The following DCC variants were observed in gnomAD, a reference collection of about 807,000 sequenced individuals.
DCC encodes the protein DCC netrin 1 receptor.
A neutral mutation model predicts 172.5 loss-of-function variants in DCC; 58 were observed. The observed-to-expected ratio is 0.34, with a 90% CI of 0.27 to 0.42. The LOEUF (loss-of-function observed/expected upper bound fraction) is 0.42. DCC is among the 10% of genes least tolerant of loss of function. DCC has a pLI of 1.00. For missense variants in DCC, 1,740 were observed against 1,791.0 expected, an observed-to-expected ratio of 0.97 and a Z score of 0.51; for synonymous variants, 709 against 644.5, an observed-to-expected ratio of 1.10 and a Z score of -1.52.
chr18:53,457,842 T>C (rs2045502337), intron 23 of DCC, among the ~76,000 whole-genome samples: 1 of 152,116 alleles, frequency 6.6e-6, no homozygotes, highest in African/African-American at 2.4e-5. Context: ...AAATACAAAA[T>C]AGATACTAGG....
chr18:53,037,473 T>G (rs1474071958), intron 5 of DCC, among the ~76,000 whole-genome samples: 1 of 151,904 alleles, frequency 6.6e-6, no homozygotes, highest in Non-Finnish European at 1.5e-5. Flanking sequence ...TCATGGTCAT[T>G]TGTACAGCCT....
intron 21 of DCC, among the ~76,000 whole-genome samples, chr18:53,425,760 A>G (rs1444042621): frequency 6.6e-6 from 1 of 152,120 alleles, no homozygotes; most frequent in Non-Finnish European, 1.5e-5. Flanking sequence ...CCCTGTGTTT[A>G]TTCATCTTTC....
intron 5 of DCC, among the ~76,000 whole-genome samples, chr18:53,014,113 A>G (rs927616930): frequency 2.0e-5 from 3 of 152,102 alleles, no homozygotes; most frequent in Admixed American, 1.3e-4. Flanking sequence ...TTTGTGCTAG[A>G]TATTCTGATC....
At chr18:53,503,504 A>G (rs528278845) in intron 27 of DCC, among the ~76,000 whole-genome samples, 3 of 152,114 alleles carry the variant, frequency 2.0e-5, no homozygotes, top group Non-Finnish European at 4.4e-5. Flanking sequence ...TCACAAATGT[A>G]GACATGTAAG....
At chr18:53,348,223 C>A (rs2057747026) in intron 15 of DCC, among the ~76,000 whole-genome samples, 1 of 152,154 alleles carries the variant, frequency 6.6e-6, no homozygotes, top group Non-Finnish European at 1.5e-5. Context: ...GTAAATACAG[C>A]CATTCCAAAT....
intron 15 of DCC, among the ~76,000 whole-genome samples, chr18:53,384,365 G>A (rs1227105434): frequency 6.6e-6 from 1 of 151,840 alleles, no homozygotes; most frequent in East Asian, 1.9e-4. Context: ...TTGTCTGGAT[G>A]CCTAAAACAT....
intron 22 of DCC, 70 bp from the exon 23 acceptor site, chr18:53,450,430 C>T: frequency 6.4e-7 from 1 of 1,564,958 alleles, no homozygotes; most frequent in Non-Finnish European, 8.8e-7. Context: ...TTTGTATATC[C>T]CAAGAGAGCT....
intron 1 of DCC, among the ~76,000 whole-genome samples, chr18:52,733,061 GT>G (rs1311860164): frequency 5.3e-5 from 8 of 152,244 alleles, no homozygotes; most frequent in Non-Finnish European, 1.2e-4. Context: ...GGTTGCTGAT[GT>G]CAGCATTGGC....
chr18:52,656,129 A>G (rs1344902655), intron 1 of DCC, among the ~76,000 whole-genome samples: 6 of 149,434 alleles, frequency 4.0e-5, no homozygotes, highest in African/African-American at 1.5e-4. Flanking sequence ...ATATATGTAT[A>G]TATATAGTGT....
intron 20 of DCC, among the ~76,000 whole-genome samples, chr18:53,413,204 A>C (rs1910095736): frequency 6.6e-6 from 1 of 152,172 alleles, no homozygotes. Context: ...TCCTACACAC[A>C]AAAGAGTGGT....
chr18:53,338,269 C>T (rs1599038097), intron 14 of DCC, among the ~76,000 whole-genome samples: 1 of 152,284 alleles, frequency 6.6e-6, no homozygotes, highest in East Asian at 1.9e-4. Flanking sequence ...ACATTACAGG[C>T]ACCTAGGCTC....
Position 52,712,919 on chromosome 18 carries a change from C to A in DCC, c.92-39135C>A, listed in dbSNP as rs182110016. Among the ~76,000 whole-genome samples, 23 of 152,296 alleles carry A rather than the reference C, an allele frequency of 1.5e-4. No individual in the cohort carries two copies. In the East Asian group the frequency reaches 4.4e-3, roughly 29 times the overall value. On this transcript the variant is annotated intron_variant, in intron 1 of 28. Coordinates refer to ENST00000442544, the MANE Select transcript of DCC (RefSeq NM_005215.4). Reference sequence around the variant, plus strand: ...TCCCCTCCTTGTGTCTCACCTGAAGCTTCATATTTCTGTTGCTGTTCTTCA... The same window carrying A: ...TCCCCTCCTTGTGTCTCACCTGAAGATTCATATTTCTGTTGCTGTTCTTCA...
intron 2 of DCC, among the ~76,000 whole-genome samples, chr18:52,884,202 T>C (rs2039536615): frequency 6.6e-6 from 1 of 152,132 alleles, no homozygotes; most frequent in Admixed American, 6.6e-5. Flanking sequence ...TCCTTGGTGC[T>C]CAATAAACCT....
chr18:52,568,778 G>C (rs564270969), intron 1 of DCC, among the ~76,000 whole-genome samples: 2 of 152,020 alleles, frequency 1.3e-5, no homozygotes, highest in Non-Finnish European at 2.9e-5. Flanking sequence ...AACGTGCAAG[G>C]TGTGGTCTCT....
At chr18:53,355,396 C>G (rs190025397) in intron 15 of DCC, among the ~76,000 whole-genome samples, 1,710 of 152,214 alleles carry the variant, frequency 0.011, 16 homozygotes, top group Admixed American at 0.027. Flanking sequence ...TTGATTCTTC[C>G]TATCCATGAG....
At chr18:52,646,378 C>A (rs944212803) in intron 1 of DCC, among the ~76,000 whole-genome samples, 1 of 152,186 alleles carries the variant, frequency 6.6e-6, no homozygotes, top group Admixed American at 6.5e-5. Context: ...AAGTAATTCT[C>A]CAATTCTCTG....
chr18:52,856,846 C>T (rs1334294157), intron 2 of DCC, among the ~76,000 whole-genome samples: 2 of 152,066 alleles, frequency 1.3e-5, no homozygotes, highest in African/African-American at 2.4e-5. Flanking sequence ...GCTCCATGTA[C>T]GCACCAGAGT....
At chr18:52,992,853 T>C (rs2041415717) in intron 5 of DCC, among the ~76,000 whole-genome samples, 1 of 151,882 alleles carries the variant, frequency 6.6e-6, no homozygotes, top group African/African-American at 2.4e-5. Context: ...TACATGCCTA[T>C]CGTAATCCCA....
At chr18:52,507,040 G>A (rs186464352) in intron 1 of DCC, among the ~76,000 whole-genome samples, 1 of 152,164 alleles carries the variant, frequency 6.6e-6, no homozygotes, top group African/African-American at 2.4e-5. Context: ...ATGATATATT[G>A]CAAAATGCAA....
Sources: allele counts gnomAD v4.1 joint callset (sites outside exome capture counted in the v4.1 genomes callset), GRCh38; gene constraint gnomAD v4.1.1; transcripts MANE v1.5; gene names NCBI Gene and HGNC (gene_info 2026-07-23, HGNC 2026-07-21).